Variants in SMS observed in about 807,000 individuals in gnomAD.
SMS encodes the protein spermine synthase.
SMS carries 3 observed loss-of-function variants against 33.0 expected under a neutral mutation model. That is an observed-to-expected ratio of 0.09 (90% CI 0.04 to 0.23). SMS has a LOEUF of 0.23. Among genes scored for constraint, SMS ranks in the 10% least tolerant of loss-of-function variants. SMS has a pLI of 1.00. For synonymous variants in SMS, 103 were observed against 112.2 expected (o/e 0.92, Z 0.52); for missense variants, 117 against 288.6 (o/e 0.41, Z 4.31).
chrX:21,969,395 C>T (rs1054050570), intron 2 of SMS, among the ~76,000 whole-genome samples: 3 of 112,071 alleles, frequency 2.7e-5, no homozygotes, highest in Admixed American at 9.5e-5. Flanking sequence ...CCTGCTGTGA[C>T]CCAGTTGATG....
intron 9 of SMS, among the ~76,000 whole-genome samples, chrX:21,987,861 G>A (rs1322688668): frequency 8.9e-6 from 1 of 112,075 alleles, no homozygotes; most frequent in Non-Finnish European, 1.9e-5. Context: ...TCTGAATATT[G>A]GCATGGCAGG....
chrX:21,948,318 C>G (rs948541042), intron 1 of SMS, among the ~76,000 whole-genome samples: 1 of 110,792 alleles, frequency 9.0e-6, no homozygotes, highest in Non-Finnish European at 1.9e-5. Flanking sequence ...GAAATTGACT[C>G]CATAATCAAG....
chrX:21,963,862 G>A (rs1941531475), intron 1 of SMS, among the ~76,000 whole-genome samples: 1 of 111,706 alleles, frequency 9.0e-6, no homozygotes, highest in African/African-American at 3.3e-5. Context: ...GTGATGATTT[G>A]TTTTATATGC....
chrX:21,976,723 TGTG>T (rs911481049), intron 4 of SMS, among the ~76,000 whole-genome samples: 1 of 111,815 alleles, frequency 8.9e-6, no homozygotes, highest in Non-Finnish European at 1.9e-5. Flanking sequence ...CTGGTGTAAA[TGTG>T]GTAATGTCCA....
chrX:21,965,041 C>T (rs749504591), intron 1 of SMS, among the ~76,000 whole-genome samples: 1 of 111,239 alleles, frequency 9.0e-6, no homozygotes, highest in South Asian at 3.8e-4. Context: ...TTAATCACTC[C>T]AATCTCTGCC....
At chrX:21,967,701 G>A (rs1452018987) in intron 2 of SMS, among the ~76,000 whole-genome samples, 2 of 112,037 alleles carry the variant, frequency 1.8e-5, no homozygotes, top group Admixed American at 1.9e-4. Context: ...GTAGATGAGT[G>A]TCATTACAGG....
intron 1 of SMS, among the ~76,000 whole-genome samples, chrX:21,953,801 A>T (rs1391736792): frequency 9.0e-6 from 1 of 110,785 alleles, no homozygotes; most frequent in Non-Finnish European, 1.9e-5. Flanking sequence ...TTTCTTTGTA[A>T]GTCTTGCTAG....
At chrX:21,944,541 A>G (rs1438996991) in intron 1 of SMS, among the ~76,000 whole-genome samples, 219 of 105,276 alleles carry the variant, frequency 2.1e-3, no homozygotes, top group African/African-American at 7.2e-3. Context: ...AAAAAAAAAA[A>G]AAAAGAAAAA....
chrX:21,967,402 C>CA (rs1455570181), intron 2 of SMS, 86 bp downstream of exon 2: 1 of 1,035,914 alleles, frequency 9.7e-7, no homozygotes. Context: ...TGGCATCCGG[C>CA]ATTTTTTTTT....
intron 4 of SMS, 53 bp downstream of exon 4, chrX:21,972,624 G>T (rs1367180169): frequency 1.3e-5 from 12 of 900,309 alleles, no homozygotes; most frequent in Non-Finnish European, 1.8e-5. Context: ...AACAATCATA[G>T]TTGGCTGGGC....
chrX:21,990,423 T>A (rs1204990109), intron 9 of SMS, among the ~76,000 whole-genome samples: 3 of 113,010 alleles, frequency 2.7e-5, no homozygotes, highest in Non-Finnish European at 5.6e-5. Flanking sequence ...CACCCCTTGT[T>A]CCATCCCTTC....
intron 7 of SMS, among the ~76,000 whole-genome samples, chrX:21,983,285 C>T (rs1925104216): frequency 9.0e-6 from 1 of 111,268 alleles, no homozygotes; most frequent in African/African-American, 3.3e-5. Flanking sequence ...ATTGTTCCGC[C>T]CACCTCAACT....
intron 1 of SMS, among the ~76,000 whole-genome samples, chrX:21,964,364 C>A (rs1404441963): frequency 2.7e-5 from 3 of 110,977 alleles, no homozygotes; most frequent in African/African-American, 6.6e-5. Context: ...GAGGCTCTTT[C>A]ATTTTGGCCA....
chrX:21,942,996 C>T (rs1049432783), intron 1 of SMS, among the ~76,000 whole-genome samples: 4 of 109,714 alleles, frequency 3.6e-5, no homozygotes, highest in African/African-American at 6.7e-5. Context: ...CGAGCCACCA[C>T]GCCCAGCTAA....
Position 21,977,054 on chromosome X carries a change from T to G in SMS, c.330-7T>G. The G allele has an allele frequency of 8.3e-7, 1 of 1,207,907 alleles. No homozygotes were observed. The highest frequency in any genetic ancestry group is 1.1e-6 in the Non-Finnish European group (1 of 891,914). ...TAAGGTACATTTCTGTTTTTCTCTT[T>G]TTCCAGATTACCACCCATAGTGCGA... On this transcript the variant is annotated splice_polypyrimidine_tract_variant and splice_region_variant and intron_variant, in intron 4 of 10. Coordinates refer to ENST00000404933, the MANE Select transcript of SMS (RefSeq NM_004595.5).
Position 21,948,439 on chromosome X carries a change from C to CTTTTTTTTTTTTTTTT in SMS, c.49+7568_49+7583dup, listed in dbSNP as rs59082770. 1.7e-4 allele frequency among the ~76,000 whole-genome samples: 14 copies of CTTTTTTTTTTTTTTTT among 80,187 alleles called. 2 individuals are homozygous for CTTTTTTTTTTTTTTTT. The highest frequency in any genetic ancestry group is 2.7e-4 in the Admixed American group (2 of 7,537). 69.6% of individuals were successfully genotyped at this position (80,187 alleles called of 115,157 possible). A position where few individuals can be genotyped will look rare whatever the true frequency, so the allele number is the denominator to read the frequency against. ...AATAACCAGTAGTCAGTCAATGTGTCTTTTTTTTTTTTTTTTTAAGAAAGT... is the reference window on the plus strand; with the variant it reads ...AATAACCAGTAGTCAGTCAATGTGTCTTTTTTTTTTTTTTTTTTTTTTTTTTTTTTTTTAAGAAAGT... On this transcript the variant is annotated intron_variant, in intron 1 of 10. Transcript: ENST00000404933.
chrX:21,985,096 G>C (rs774901617), intron 8 of SMS, 48 bp from the exon 9 acceptor site: 6 of 798,003 alleles, frequency 7.5e-6, no homozygotes, highest in Middle Eastern at 4.1e-4. Flanking sequence ...AGATGTTGTG[G>C]ATACATACAA....
intron 1 of SMS, among the ~76,000 whole-genome samples, chrX:21,956,626 C>T (rs1329987276): frequency 1.8e-5 from 2 of 111,009 alleles, no homozygotes; most frequent in African/African-American, 6.5e-5. Context: ...TGCGCCACCA[C>T]GCCCGGCTAA....
intron 1 of SMS, among the ~76,000 whole-genome samples, chrX:21,955,455 A>C (rs1922911238): frequency 2.7e-5 from 3 of 112,103 alleles, no homozygotes; most frequent in African/African-American, 9.7e-5. Context: ...TCACATGCCA[A>C]TTTTGAACTA....
Sources: gnomAD v4.1 joint callset for allele counts (sites outside exome capture counted in the v4.1 genomes callset) on GRCh38, gnomAD v4.1.1 for gene constraint, MANE v1.5 for transcripts, NCBI Gene and HGNC (gene_info 2026-07-23, HGNC 2026-07-21) for gene names.